RALYL: variants seen among roughly 807,000 people sequenced by gnomAD.
The protein encoded by RALYL is RALY RNA binding protein like.
Under a neutral mutation model 35.1 loss-of-function variants are expected in RALYL, and 29 were observed. The observed-to-expected ratio is 0.83, with a 90% CI of 0.61 to 1.13. RALYL has a LOEUF of 1.13. RALYL is among the 50% of genes most tolerant of loss of function. The pLI, the probability that RALYL is intolerant of heterozygous loss-of-function variation, is 0.00. For synonymous variants in RALYL, 120 were observed against 127.6 expected, an observed-to-expected ratio of 0.94 and a Z score of 0.40; for missense variants, 359 against 360.4, an observed-to-expected ratio of 1.00 and a Z score of 0.03.
intron 6 of RALYL, among the ~76,000 whole-genome samples, chr8:84,869,571 G>T (rs182480879): frequency 6.6e-6 from 1 of 152,040 alleles, no homozygotes; most frequent in Non-Finnish European, 1.5e-5. Flanking sequence ...TCTGTGATGC[G>T]GTGTGGGCTA....
At chr8:84,756,426 A>T (rs188278872) in intron 2 of RALYL, among the ~76,000 whole-genome samples, 139 of 152,266 alleles carry the variant, frequency 9.1e-4, no homozygotes, top group African/African-American at 3.1e-3. Flanking sequence ...GTGGCTAATG[A>T]TAATGAAATC....
At chr8:84,226,247 T>G (rs2131370463) in intron 1 of RALYL, among the ~76,000 whole-genome samples, 1 of 152,282 alleles carries the variant, frequency 6.6e-6, no homozygotes, top group East Asian at 1.9e-4. Flanking sequence ...TGGAACAGTT[T>G]TATCCTGAAA....
At chr8:84,507,541 G>A (rs1326679332) in intron 1 of RALYL, among the ~76,000 whole-genome samples, 1 of 152,122 alleles carries the variant, frequency 6.6e-6, no homozygotes, top group Non-Finnish European at 1.5e-5. Context: ...TAAGTACGAA[G>A]TATATTAATT....
chr8:84,738,609 A>T (rs1847741090), intron 2 of RALYL, among the ~76,000 whole-genome samples: 1 of 152,040 alleles, frequency 6.6e-6, no homozygotes, highest in South Asian at 2.1e-4. Flanking sequence ...CTCTGCAGCT[A>T]CATCTTCAGC....
At chr8:84,388,797 GTT>G (rs1221241548) in intron 1 of RALYL, among the ~76,000 whole-genome samples, 3 of 152,066 alleles carry the variant, frequency 2.0e-5, no homozygotes, top group African/African-American at 7.2e-5. Context: ...TGGGTTGCCT[GTT>G]CACTCTGATG....
rs184365248 is a variant in RALYL, at chr8:84,894,063, C to T, written c.858+6287C>T. Among the ~76,000 whole-genome samples, 321 of 152,260 alleles carry T rather than the reference C, an allele frequency of 2.1e-3. 1 individual carries two copies. Among genetic ancestry groups the T allele is most frequent in the Non-Finnish European group, 3.1e-3 (213 of 68,018 alleles). On this transcript the variant is annotated intron_variant, in intron 8 of 8. Coordinates refer to ENST00000521268, the MANE Select transcript of RALYL (RefSeq NM_173848.7). ...GGAAGGTCTGGACCTCAAATCCAAT[C>T]CTGCAGTTGAAGACAACTGAAAGTA...
intron 1 of RALYL, among the ~76,000 whole-genome samples, chr8:84,440,986 G>A (rs2048271863): frequency 2.0e-5 from 3 of 151,962 alleles, no homozygotes; most frequent in African/African-American, 7.2e-5. Flanking sequence ...ATTCCCACCA[G>A]AAATGAATGG....
At chr8:84,510,238 A>G (rs965315472) in intron 1 of RALYL, among the ~76,000 whole-genome samples, 2 of 152,144 alleles carry the variant, frequency 1.3e-5, no homozygotes, top group African/African-American at 4.8e-5. Context: ...CCTATGGTAA[A>G]TTTACACTTG....
intron 2 of RALYL, among the ~76,000 whole-genome samples, chr8:84,591,504 A>T (rs531083332): frequency 6.6e-6 from 1 of 152,266 alleles, no homozygotes; most frequent in Admixed American, 6.5e-5. Context: ...TGCATAAGGA[A>T]CCCAATTTTT....
In RALYL at chr8:84,649,817, G is replaced by A. The variant is rs529485172; in HGVS notation, c.256+120240G>A. ...AAGTAGTTTTTTCCAATTCTGTGAC[G>A]AAAGTCATTGGTAGCTTGATGGGGA... On this transcript the variant is annotated intron_variant, in intron 2 of 8. Transcript: ENST00000521268. Among the ~76,000 whole-genome samples the A allele has an allele frequency of 3.3e-3, 497 of 152,190 alleles. 4 individuals carry two copies. The highest frequency in any genetic ancestry group is 5.8e-3 in the Non-Finnish European group (396 of 68,004).
At chr8:84,797,898 T>C (rs559077840) in intron 3 of RALYL, among the ~76,000 whole-genome samples, 29 of 152,166 alleles carry the variant, frequency 1.9e-4, no homozygotes, top group Non-Finnish European at 3.7e-4. Context: ...GGCATAGATC[T>C]AGGCACAGGT....
intron 2 of RALYL, among the ~76,000 whole-genome samples, chr8:84,705,071 C>T (rs1840948172): frequency 6.6e-6 from 1 of 152,164 alleles, no homozygotes. Context: ...CCCAAGTCAG[C>T]ACCCAAAGGT....
intron 2 of RALYL, among the ~76,000 whole-genome samples, chr8:84,662,735 T>G (rs1831170868): frequency 6.6e-6 from 1 of 152,162 alleles, no homozygotes; most frequent in Non-Finnish European, 1.5e-5. Flanking sequence ...TAATATAGTT[T>G]TAGATCATAT....
intron 2 of RALYL, among the ~76,000 whole-genome samples, chr8:84,630,808 C>G (rs572118501): frequency 1.7e-4 from 26 of 151,982 alleles, no homozygotes; most frequent in Admixed American, 9.8e-4. Flanking sequence ...TGAAGATTAT[C>G]AGAAAAAGCA....
At chr8:84,770,895 ATTTG>A (rs1362684271) in intron 2 of RALYL, among the ~76,000 whole-genome samples, 3 of 151,556 alleles carry the variant, frequency 2.0e-5, no homozygotes, top group Non-Finnish European at 4.4e-5. Flanking sequence ...TGATGTGATT[ATTTG>A]TTTTTTTCTT....
At chr8:84,496,644 A>G (rs957504999) in intron 1 of RALYL, among the ~76,000 whole-genome samples, 2 of 152,118 alleles carry the variant, frequency 1.3e-5, no homozygotes, top group Non-Finnish European at 2.9e-5. Context: ...AACATACATT[A>G]TTATTCTTAT....
intron 1 of RALYL, among the ~76,000 whole-genome samples, chr8:84,283,055 C>T (rs1836915528): frequency 6.6e-6 from 1 of 151,896 alleles, no homozygotes; most frequent in Admixed American, 6.6e-5. Flanking sequence ...TTCCAGCTAG[C>T]TCCTTTTTAA....
At chr8:84,912,362 A>AT (rs1563854808) in intron 8 of RALYL, among the ~76,000 whole-genome samples, 1 of 152,062 alleles carries the variant, frequency 6.6e-6, no homozygotes, top group African/African-American at 2.4e-5. Flanking sequence ...TAAGACCAAA[A>AT]ATATATATTC....
chr8:84,491,526 C>T (rs899270431), intron 1 of RALYL, among the ~76,000 whole-genome samples: 1 of 151,818 alleles, frequency 6.6e-6, no homozygotes, highest in African/African-American at 2.4e-5. Context: ...TTTTTCATGC[C>T]ATGTAATTGC....
Sources: gnomAD v4.1 joint callset for allele counts (sites outside exome capture counted in the v4.1 genomes callset) on GRCh38, gnomAD v4.1.1 for gene constraint, MANE v1.5 for transcripts, NCBI Gene and HGNC (gene_info 2026-07-23, HGNC 2026-07-21) for gene names.